The following DNM3 variants were observed in gnomAD, a reference collection of about 807,000 sequenced individuals.
DNM3 encodes dynamin-3.
Under a neutral mutation model 101.6 loss-of-function variants are expected in DNM3, and 47 were observed. That is an observed-to-expected ratio of 0.46 (90% CI 0.37 to 0.59). DNM3 has a LOEUF of 0.59. Ranked by LOEUF, DNM3 falls within the 20% of genes least tolerant of loss-of-function variation. The pLI, the probability that DNM3 is intolerant of heterozygous loss-of-function variation, is 0.00. For synonymous variants in DNM3, 385 were observed against 387.9 expected, an observed-to-expected ratio of 0.99 and a Z score of 0.09; for missense variants, 849 against 1,085.7, an observed-to-expected ratio of 0.78 and a Z score of 3.06.
chr1:171,937,134 C>A (rs1166327778), intron 2 of DNM3, among the ~76,000 whole-genome samples: 3 of 152,164 alleles, frequency 2.0e-5, no homozygotes, highest in Admixed American at 1.3e-4. Context: ...TGATACATAG[C>A]AAAAACATTC....
intron 15 of DNM3, 79 bp from the exon 16 acceptor site, chr1:172,308,649 A>C: frequency 1.6e-6 from 1 of 625,030 alleles, no homozygotes; most frequent in East Asian, 3.3e-5. Context: ...CACTTACATC[A>C]TCATCGTCTA....
chr1:172,354,790 C>T (rs1379493791), intron 17 of DNM3, among the ~76,000 whole-genome samples: 3 of 152,058 alleles, frequency 2.0e-5, no homozygotes, highest in African/African-American at 7.2e-5. Flanking sequence ...TATCACTGCA[C>T]ACAAGAGCTT....
At chr1:172,168,674 A>C (rs1161834954) in intron 14 of DNM3, among the ~76,000 whole-genome samples, 2 of 151,912 alleles carry the variant, frequency 1.3e-5, no homozygotes, top group East Asian at 3.9e-4. Flanking sequence ...GGAAATATTA[A>C]ATGCACAGCA....
chr1:172,048,984 T>A (rs1342564602), intron 10 of DNM3, among the ~76,000 whole-genome samples: 1 of 152,340 alleles, frequency 6.6e-6, no homozygotes, highest in Admixed American at 6.5e-5. Context: ...TTTGGCTGAT[T>A]TTCCCCATGT....
At chr1:172,314,571 C>T (rs188459989) in intron 16 of DNM3, among the ~76,000 whole-genome samples, 8 of 152,350 alleles carry the variant, frequency 5.3e-5, no homozygotes, top group Non-Finnish European at 1.2e-4. Context: ...GGAAACGGTG[C>T]ACCAGGAGAA....
chr1:172,377,571 T>TATATATATATATATAC (rs1426874642), intron 17 of DNM3, among the ~76,000 whole-genome samples: 2 of 146,024 alleles, frequency 1.4e-5, no homozygotes, highest in African/African-American at 5.1e-5. Context: ...TATATATATA[T>TATATATATATATATAC]ATATATATAT....
intron 1 of DNM3, among the ~76,000 whole-genome samples, chr1:171,898,778 A>C (rs1206827850): frequency 6.6e-6 from 1 of 151,776 alleles, no homozygotes; most frequent in South Asian, 2.1e-4. Context: ...GTAGAGAGTG[A>C]ATTTTTTTTT....
intron 15 of DNM3, among the ~76,000 whole-genome samples, chr1:172,279,427 A>G (rs140902105): frequency 6.6e-6 from 1 of 152,220 alleles, no homozygotes; most frequent in East Asian, 1.9e-4. Flanking sequence ...TGTCAATATC[A>G]TCAATCTTGA....
At chr1:172,013,726 C>T (rs1482505479) in intron 4 of DNM3, among the ~76,000 whole-genome samples, 3 of 151,886 alleles carry the variant, frequency 2.0e-5, no homozygotes, top group Admixed American at 6.6e-5. Context: ...GTATTTGGAG[C>T]TGATGGGAAT....
chr1:172,192,390 T>A (rs1353658550), intron 14 of DNM3, among the ~76,000 whole-genome samples: 2 of 151,682 alleles, frequency 1.3e-5, no homozygotes, highest in East Asian at 1.9e-4. Flanking sequence ...TCTTTTATTA[T>A]TATACTTTAA....
chr1:172,123,152 C>T (rs7519823), intron 13 of DNM3, among the ~76,000 whole-genome samples: 28,396 of 152,082 alleles, frequency 0.19, 3,165 homozygotes, highest in East Asian at 0.47. Context: ...TTAGCCAATT[C>T]ATTCGTATTA....
At chr1:172,230,603 T>C (rs1226059583) in intron 14 of DNM3, among the ~76,000 whole-genome samples, 1 of 152,180 alleles carries the variant, frequency 6.6e-6, no homozygotes, top group East Asian at 1.9e-4. Flanking sequence ...TTCAAATGAA[T>C]GTTATTTTCT....
chr1:172,056,194 G>A (rs564518028), intron 10 of DNM3, among the ~76,000 whole-genome samples: 28 of 152,322 alleles, frequency 1.8e-4, no homozygotes, highest in African/African-American at 5.1e-4. Context: ...AGGGTCCTAC[G>A]CCCACGGAAT....
intron 2 of DNM3, among the ~76,000 whole-genome samples, chr1:171,935,045 T>C (rs918253647): frequency 2.0e-5 from 3 of 152,182 alleles, no homozygotes; most frequent in African/African-American, 7.2e-5. Flanking sequence ...CGTATCTGTA[T>C]GATACTGCTA....
In DNM3 at chr1:172,228,547, G is replaced by C. The variant is rs564169769; in HGVS notation, c.1660-25026G>C. ...TTTTGTTTTCTTTGGTTATTGTTTA[G>C]AATTTTCCTGGCTATTTGCAACTGC... On this transcript the variant is annotated intron_variant, in intron 14 of 20. Transcript: ENST00000627582. 7.9e-5 allele frequency among the ~76,000 whole-genome samples: 12 copies of C among 152,080 alleles called. No individual in the cohort carries two copies. In the East Asian group the frequency reaches 1.5e-3, roughly 20 times the overall value.
At chr1:172,044,170 A>G (rs752453668) in intron 8 of DNM3, among the ~76,000 whole-genome samples, 11 of 152,222 alleles carry the variant, frequency 7.2e-5, no homozygotes, top group Admixed American at 2.6e-4. Context: ...TAACAGAGTT[A>G]AAATCCACTG....
intron 10 of DNM3, among the ~76,000 whole-genome samples, chr1:172,066,094 G>A (rs772182896): frequency 8.5e-5 from 13 of 152,244 alleles, no homozygotes; most frequent in Non-Finnish European, 1.5e-4. Flanking sequence ...AACTCCTTAT[G>A]AGTTTGGAGA....
intron 14 of DNM3, among the ~76,000 whole-genome samples, chr1:172,145,779 G>C (rs2057861699): frequency 6.6e-6 from 1 of 152,118 alleles, no homozygotes; most frequent in African/African-American, 2.4e-5. Flanking sequence ...TCCTGATTCT[G>C]TTTTGATACT....
chr1:172,338,798 G>A (rs367780016), intron 17 of DNM3: 10 of 484,302 alleles, frequency 2.1e-5, no homozygotes, highest in African/African-American at 1.5e-4. Flanking sequence ...AAACTTTCAG[G>A]GAGTTTTTCA....
Sources: gnomAD v4.1 joint callset for allele counts (sites outside exome capture counted in the v4.1 genomes callset) on GRCh38, gnomAD v4.1.1 for gene constraint, MANE v1.5 for transcripts, NCBI Gene and HGNC (gene_info 2026-07-23, HGNC 2026-07-21) for gene names.